The following NPEPPS variants were observed in gnomAD, a reference collection of about 807,000 sequenced individuals.
NPEPPS encodes the protein aminopeptidase puromycin sensitive.
Under a neutral mutation model 115.5 loss-of-function variants are expected in NPEPPS, and 14 were observed. The observed-to-expected ratio is 0.12, with a 90% confidence interval of 0.08 to 0.19. The LOEUF (loss-of-function observed/expected upper bound fraction) is 0.19. Among genes scored for constraint, NPEPPS ranks in the 10% least tolerant of loss-of-function variants. NPEPPS has a pLI of 1.00. For synonymous variants in NPEPPS, 285 were observed against 390.6 expected, an observed-to-expected ratio of 0.73 and a Z score of 3.19; for missense variants, 523 against 1,110.8, an observed-to-expected ratio of 0.47 and a Z score of 7.52.
chr17:47,604,378 T>C (rs1913400574), intron 16 of NPEPPS, among the ~76,000 whole-genome samples: 1 of 151,976 alleles, frequency 6.6e-6, no homozygotes, highest in Non-Finnish European at 1.5e-5. Context: ...TAAGTCAGAG[T>C]GATTTTATGT....
At position 47,585,519 on chromosome 17, in the gene NPEPPS, C is replaced by G. The variant is rs1227583166; in HGVS notation, c.668C>G (p.Pro223Arg). The G allele has an allele frequency of 1.2e-6, 2 of 1,612,918 alleles. No individual in the cohort carries two copies. Among genetic ancestry groups the G allele is most frequent in the African/African-American group, 1.3e-5 (1 of 74,872 alleles). Residue 223 changes from proline (P) to arginine (R), a missense_variant, in exon 6 of 23, where the codon CCA (proline) becomes CGA (arginine). Physicochemically the swap from Pro to Arg is moderately radical, Grantham distance 103. Coordinates refer to ENST00000322157, the MANE Select transcript of NPEPPS (RefSeq NM_006310.4). ...TTAAAGAATGTAATTGACCGGAAAC[C>G]ATACCCTGATGATGAAAATTTAGTG... ...LSNMNVIDRK[P>R]YPDDENLVEV... is the part of the protein sequence containing the mutation.
chr17:47,605,254 A>C, intron 16 of NPEPPS, 79 bp from the exon 17 acceptor site: 1 of 983,604 alleles, frequency 1.0e-6, no homozygotes, highest in South Asian at 1.7e-5. Context: ...TGCTAGCAGT[A>C]GATAATGCCA....
At chr17:47,599,899 C>T (rs1170061739) in intron 14 of NPEPPS, among the ~76,000 whole-genome samples, 160 bp downstream of exon 14, 4 of 151,900 alleles carry the variant, frequency 2.6e-5, no homozygotes, top group Non-Finnish European at 4.4e-5. Context: ...CTCACTGCAA[C>T]CTCCACCTCC....
Position 47,619,019 on chromosome 17 carries a change from G to A in NPEPPS, c.2414G>A (p.Arg805His), listed in dbSNP as rs1218515200. 4 of 1,613,354 alleles carry A rather than the reference G, an allele frequency of 2.5e-6. No individual in the cohort carries two copies. Among genetic ancestry groups the A allele is most frequent in the Non-Finnish European group, 3.4e-6 (4 of 1,179,592 alleles). Residue 805 changes from arginine to histidine, a missense_variant, in exon 21 of 23, where the codon CGT becomes CAT. Transcript: ENST00000322157. ...VLTFALSEEV[R>H]PQDTVSVIGG... ...TCTTTCTTTTTTTAGGAAGAGGTAC[G>A]TCCACAGGACACTGTATCGGTAATT...
At chr17:47,572,280 GT>G (rs1911246719) in intron 3 of NPEPPS, among the ~76,000 whole-genome samples, 1 of 152,048 alleles carries the variant, frequency 6.6e-6, no homozygotes, top group Non-Finnish European at 1.5e-5. Context: ...TAAAATTTCT[GT>G]ATGATGGTGG....
chr17:47,530,439 C>T (rs1226995161), upstream of NPEPPS, among the ~76,000 whole-genome samples: 2 of 144,462 alleles, frequency 1.4e-5, no homozygotes, highest in African/African-American at 5.2e-5. Context: ...TCACTGCAAG[C>T]TCCGCCTCCC....
intron 17 of NPEPPS, among the ~76,000 whole-genome samples, chr17:47,608,650 G>A (rs11079783): frequency 0.38 from 57,428 of 151,912 alleles, 11,666 homozygotes; most frequent in South Asian, 0.46. Flanking sequence ...CAGTGACTGA[G>A]TGTAAGTAGA....
chr17:47,564,220 C>T (rs1305326938), intron 2 of NPEPPS, among the ~76,000 whole-genome samples: 5 of 152,152 alleles, frequency 3.3e-5, no homozygotes, highest in Non-Finnish European at 1.5e-5. Context: ...CTGTGCCTGG[C>T]CCTCAATCTT....
chr17:47,532,717 G>T (rs1907909308), intron 1 of NPEPPS, among the ~76,000 whole-genome samples: 1 of 149,016 alleles, frequency 6.7e-6, no homozygotes. Context: ...ACATACCACC[G>T]GTGAAAATAT....
chr17:47,594,488 A>ACAACCTC (rs1156530756), intron 12 of NPEPPS, among the ~76,000 whole-genome samples: 1 of 145,644 alleles, frequency 6.9e-6, no homozygotes. Context: ...TTGGCTCACC[A>ACAACCTC]CAACCTCCGC....
intron 18 of NPEPPS, 59 bp from the exon 19 acceptor site, chr17:47,613,610 A>G (rs1914011066): frequency 4.5e-6 from 6 of 1,340,204 alleles, no homozygotes; most frequent in Non-Finnish European, 6.4e-6. Context: ...TTTTCTTAGT[A>G]TTAGAATACT....
rs1908129266 is a variant in NPEPPS at position 47,535,236 on chromosome 17, C to CT, written c.255+3682dup. On this transcript the variant is annotated intron_variant, in intron 1 of 22. Coordinates refer to ENST00000322157, the MANE Select transcript of NPEPPS (RefSeq NM_006310.4). The stretch of plus-strand genomic sequence containing the variant: ...CCAGCCTGGGCAACAGAGCAAGACT[C>CT]TGTCTCAAAAAAAAAAAAAAAAAAA... Among the ~76,000 whole-genome samples the CT allele has an allele frequency of 4.0e-5, 3 of 75,192 alleles. No homozygotes were observed. The Admixed American group carries it at 6.3e-4, about 16-fold the overall frequency. The allele number at this position is 75,192 out of a possible 152,430, so 49.3% of individuals were successfully genotyped here. A position where few individuals can be genotyped will look rare whatever the true frequency, so the allele number is the denominator to read the frequency against.
In NPEPPS at chr17:47,612,547, G is replaced by A. The variant is rs751154546; in HGVS notation, c.2183G>A (p.Arg728Gln). 7 of 1,613,892 alleles carry A rather than the reference G, an allele frequency of 4.3e-6. No individual in the cohort carries two copies. The highest frequency in any genetic ancestry group is 1.1e-5 in the South Asian group (1 of 91,076). The change falls in exon 18 of 23, where the codon CGG becomes CAG. Residue 728 changes from arginine (R) to glutamine (Q), a missense_variant. By Grantham distance (43) the Arg-to-Gln change is conservative (BLOSUM62 1). Transcript: ENST00000322157. ...HKATLEEARR[R>Q]FKDHVEGKQI... ...GCAACGTTAGAAGAAGCCCGTCGTC[G>A]GTTTAAGGACCACGTGGAAGGAAAA... is the stretch of plus-strand genomic sequence containing the variant.
intron 17 of NPEPPS, among the ~76,000 whole-genome samples, chr17:47,611,681 C>T (rs1472858178): frequency 2.0e-5 from 3 of 152,096 alleles, no homozygotes; most frequent in Non-Finnish European, 4.4e-5. Context: ...CTGTGTTGCT[C>T]AGGTTGGTCT....
upstream of NPEPPS, chr17:47,531,021 C>G (rs1239155351): frequency 5.5e-6 from 1 of 180,394 alleles, no homozygotes; most frequent in Non-Finnish European, 1.1e-5. Context: ...CCCTCGTCCT[C>G]GCCGCTCCGC....
chr17:47,582,216 G>GA (rs1354297262), intron 4 of NPEPPS: 6 of 163,148 alleles, frequency 3.7e-5, no homozygotes, highest in Non-Finnish European at 8.1e-5. Context: ...GTAGCATATG[G>GA]AAGTGCCATT....
intron 14 of NPEPPS, 59 bp downstream of exon 14, chr17:47,599,798 G>A (rs1913080314): frequency 3.1e-6 from 4 of 1,292,280 alleles, no homozygotes; most frequent in Non-Finnish European, 4.3e-6. Flanking sequence ...ACTAATACCA[G>A]TAGTATTCCA....
intron 2 of NPEPPS, among the ~76,000 whole-genome samples, chr17:47,549,363 C>G (rs1016296040): frequency 4.6e-5 from 7 of 151,750 alleles, no homozygotes; most frequent in Non-Finnish European, 1.0e-4. Flanking sequence ...TCCTTCAGAA[C>G]TAGCTAAGGT....
At chr17:47,618,513 TG>T in intron 20 of NPEPPS, 56 bp downstream of exon 20, 1 of 1,198,220 alleles carries the variant, frequency 8.3e-7, no homozygotes. Flanking sequence ...CTCTGAGAAG[TG>T]TCTCTGATTC....
Sources: gnomAD v4.1 joint callset for allele counts (sites outside exome capture counted in the v4.1 genomes callset) on GRCh38, gnomAD v4.1.1 for gene constraint, MANE v1.5 for transcripts, NCBI Gene and HGNC (gene_info 2026-07-23, HGNC 2026-07-21) for gene names.